Variants in DIO2 observed in about 807,000 individuals in gnomAD.
DIO2 encodes type II iodothyronine deiodinase.
In DIO2, 19 loss-of-function variants were observed where a neutral mutation model predicts 21.4. That is an observed-to-expected ratio of 0.89 (90% CI 0.62 to 1.30). DIO2 has a LOEUF of 1.30. Ranked by LOEUF, DIO2 falls within the 50% of genes most tolerant of loss-of-function variation. The pLI is 0.00. For missense variants in DIO2, 302 were observed against 338.1 expected, an observed-to-expected ratio of 0.89 and a Z score of 0.84; for synonymous variants, 122 against 132.9, an observed-to-expected ratio of 0.92 and a Z score of 0.57.
chr14:80,203,137 A>G lies in DIO2; in HGVS notation c.374T>C (p.Val125Ala). The change falls in exon 2 of 2, where the codon GTG (valine) becomes GCG (alanine). Residue 125 changes from valine (V) to alanine (A), a missense_variant. Val to Ala is a moderately conservative substitution (Grantham distance 64, BLOSUM62 0). Coordinates refer to ENST00000438257, the MANE Select transcript of DIO2 (RefSeq NM_013989.5). ...TCAAGTGGCTGAGCCAAAGTTGACC[A>G]CTAGTGGGCGCTCAGGGCTGGCAAA... ...LDFASPERPL[V>A]VNFGSATUPP... 1 of 1,613,436 alleles carries G rather than the reference A, an allele frequency of 6.2e-7. No individual in the cohort carries two copies. The highest frequency in any genetic ancestry group is 8.5e-7 in the Non-Finnish European group (1 of 1,179,692).
upstream of DIO2, chr14:80,212,175 C>T (rs182088628): frequency 6.6e-6 from 1 of 152,202 alleles, no homozygotes; most frequent in Admixed American, 6.5e-5. Context: ...GTGCCTCTCT[C>T]TGCAGCCCAG....
At chr14:80,226,652 C>G (rs1040269032) in intron 2 of DIO2, among the ~76,000 whole-genome samples, 8 of 152,182 alleles carry the variant, frequency 5.3e-5, no homozygotes, top group Non-Finnish European at 1.0e-4. Flanking sequence ...ATAGCCAGGT[C>G]AGCCTTGGTG....
At chr14:80,206,850 C>A (rs1189498002) in intron 1 of DIO2, among the ~76,000 whole-genome samples, 2 of 152,108 alleles carry the variant, frequency 1.3e-5, no homozygotes, top group African/African-American at 4.8e-5. Flanking sequence ...ATTTTTTACT[C>A]TTGCGGAAGA....
At chr14:80,208,363 T>C (rs972245390) in intron 1 of DIO2, among the ~76,000 whole-genome samples, 7 of 152,114 alleles carry the variant, frequency 4.6e-5, no homozygotes, top group Non-Finnish European at 8.8e-5. Context: ...TTCAACCTTT[T>C]AAGAAAGGGT....
intron 2 of DIO2, among the ~76,000 whole-genome samples, chr14:80,219,779 T>A (rs1049975028): frequency 2.6e-5 from 4 of 151,796 alleles, no homozygotes; most frequent in Non-Finnish European, 5.9e-5. Flanking sequence ...CAATAAAGAG[T>A]TAATGAAGAA....
chr14:80,199,412 A>ATTTATAATT lies in DIO2; in HGVS notation c.*3276_*3277insAATTATAAA, dbSNP rs1206120389. Reference sequence around the variant, plus strand: ...ATAAATGAGGTGAAGACACAGGACCAGAGACCCAATGTGAAAAAAGAAAGT... The same window carrying ATTTATAATT: ...ATAAATGAGGTGAAGACACAGGACCATTTATAATTGAGACCCAATGTGAAAAAAGAAAGT... On this transcript the variant is annotated 3_prime_UTR_variant, in exon 2 of 2. Coordinates refer to ENST00000438257, the MANE Select transcript of DIO2 (RefSeq NM_013989.5). The ATTTATAATT allele has an allele frequency of 1.2e-4, 19 of 152,228 alleles. No individual in the cohort carries two copies. The highest frequency in any genetic ancestry group is 4.6e-4 in the African/African-American group (19 of 41,452). The allele number at this position is 152,228 out of a possible 1,614,324, so 9.4% of individuals were successfully genotyped here.
chr14:80,210,249 G>A (rs913812600), intron 1 of DIO2, among the ~76,000 whole-genome samples: 16 of 152,174 alleles, frequency 1.1e-4, no homozygotes, highest in Non-Finnish European at 2.4e-4. Context: ...CATAGCAGGT[G>A]GGGGAAAACT....
At position 80,200,790 on chromosome 14, in the gene DIO2, C is replaced by T. The variant is rs1887682964; in HGVS notation, c.*1899G>A. 2 of 152,212 alleles carry T rather than the reference C, an allele frequency of 1.3e-5. No homozygotes were observed. The highest frequency in any genetic ancestry group is 1.3e-4 in the Admixed American group (2 of 15,288). 9.4% of individuals were successfully genotyped at this position (152,212 alleles called of 1,614,324 possible). A position where few individuals can be genotyped will look rare whatever the true frequency, so the allele number is the denominator to read the frequency against. ...GGAGCTTTAATATTTACACAATATA[C>T]CAGCTGGTGACACGACTGATATGTT... On this transcript the variant is annotated 3_prime_UTR_variant, in exon 2 of 2. Transcript: ENST00000438257.
chr14:80,209,838 C>G (rs991003961), intron 1 of DIO2, among the ~76,000 whole-genome samples: 8 of 152,224 alleles, frequency 5.3e-5, no homozygotes, highest in Non-Finnish European at 1.0e-4. Context: ...TAGTTCACAA[C>G]AGATATTTTC....
In DIO2 at chr14:80,202,354, T is replaced by C. The variant is rs1241793890; in HGVS notation, c.*335A>G. On this transcript the variant is annotated 3_prime_UTR_variant, in exon 2 of 2. Coordinates refer to ENST00000438257, the MANE Select transcript of DIO2 (RefSeq NM_013989.5). ...CTAATGTAGTAATTATTCAGGTAAGTCTTTTCTTCTGGTCTCAAAGCATGC... is the reference window on the plus strand; with the variant it reads ...CTAATGTAGTAATTATTCAGGTAAGCCTTTTCTTCTGGTCTCAAAGCATGC... 8.9e-6 allele frequency: 5 copies of C among 562,668 alleles called. No individual in the cohort carries two copies. The allele number at this position is 562,668 out of a possible 1,614,324, so 34.9% of individuals were successfully genotyped here.
intron 1 of DIO2, among the ~76,000 whole-genome samples, chr14:80,210,164 CTA>C (rs2140007161): frequency 6.6e-6 from 1 of 150,924 alleles, no homozygotes; most frequent in Admixed American, 7.0e-5. Flanking sequence ...ATTTTGATAA[CTA>C]CTTTTGCCAA....
intron 2 of DIO2, among the ~76,000 whole-genome samples, chr14:80,224,790 C>T (rs886622829): frequency 3.0e-4 from 45 of 152,176 alleles, no homozygotes; most frequent in African/African-American, 1.1e-3. Context: ...GTTTAGATTT[C>T]TTCCTTCAGC....
At chr14:80,226,165 C>T (rs886946508) in intron 2 of DIO2, among the ~76,000 whole-genome samples, 4 of 152,160 alleles carry the variant, frequency 2.6e-5, no homozygotes, top group African/African-American at 9.7e-5. Context: ...AGAGCATACA[C>T]AGCCTTCTGG....
At chr14:80,203,890 T>C (rs746541489) in intron 1 of DIO2, among the ~76,000 whole-genome samples, 4 of 152,210 alleles carry the variant, frequency 2.6e-5, no homozygotes, top group Non-Finnish European at 5.9e-5. Context: ...TTAACCTCTT[T>C]AGTGATTCAG....
intron 1 of DIO2, chr14:80,206,113 C>G: frequency 2.8e-6 from 2 of 723,504 alleles, no homozygotes; most frequent in Non-Finnish European, 4.5e-6. Context: ...GGGTCCCTTA[C>G]TGAATGTTAT....
chr14:80,204,890 A>G (rs1306273772), intron 1 of DIO2, among the ~76,000 whole-genome samples: 2 of 152,310 alleles, frequency 1.3e-5, no homozygotes, highest in East Asian at 3.9e-4. Flanking sequence ...AAGGTTTGAA[A>G]TAAGCATTAT....
rs775882497 is a variant in DIO2, at chr14:80,203,146, C to T, written c.365G>A (p.Arg122His). 6.2e-7 allele frequency: 1 copy of T among 1,612,788 alleles called. No individual in the cohort carries two copies. The change falls in exon 2 of 2, where the codon CGC becomes CAC. Residue 122 changes from arginine (R) to histidine (H), a missense_variant. Arg to His is a conservative substitution (Grantham distance 29). Coordinates refer to ENST00000438257, the MANE Select transcript of DIO2 (RefSeq NM_013989.5). Reference protein sequence around the residue: ...CHLLDFASPERPLVVNFGSAT... With the variant: ...CHLLDFASPEHPLVVNFGSAT... ...TGAGCCAAAGTTGACCACTAGTGGGCGCTCAGGGCTGGCAAAGTCAAGAAG... is the reference window on the plus strand; with the variant it reads ...TGAGCCAAAGTTGACCACTAGTGGGTGCTCAGGGCTGGCAAAGTCAAGAAG...
Position 80,200,481 on chromosome 14 carries a change from G to A in DIO2, c.*2208C>T, listed in dbSNP as rs976590956. On this transcript the variant is annotated 3_prime_UTR_variant, in exon 2 of 2. Coordinates refer to ENST00000438257, the MANE Select transcript of DIO2 (RefSeq NM_013989.5). ...TTTATCGTACATAGAGAAAAAAGGGGAATTTTAAGGACAACAGTGTGAATG... is the reference window on the plus strand; with the variant it reads ...TTTATCGTACATAGAGAAAAAAGGGAAATTTTAAGGACAACAGTGTGAATG... 1.3e-5 allele frequency: 2 copies of A among 152,408 alleles called. No homozygotes were observed. The highest frequency in any genetic ancestry group is 2.9e-5 in the Non-Finnish European group (2 of 68,028). The allele number at this position is 152,408 out of a possible 1,614,324, so 9.4% of individuals were successfully genotyped here.
chr14:80,203,657 A>C (rs532855611), intron 1 of DIO2, among the ~76,000 whole-genome samples: 1 of 152,356 alleles, frequency 6.6e-6, no homozygotes, highest in Admixed American at 6.5e-5. Flanking sequence ...AATTGACTTC[A>C]TTTTAAAAAT....
Sources: gnomAD v4.1 joint callset for allele counts (sites outside exome capture counted in the v4.1 genomes callset) on GRCh38, gnomAD v4.1.1 for gene constraint, MANE v1.5 for transcripts, NCBI Gene and HGNC (gene_info 2026-07-23, HGNC 2026-07-21) for gene names.